PTPRJ: variants seen among roughly 807,000 people sequenced by gnomAD.
PTPRJ encodes protein tyrosine phosphatase receptor type J.
A neutral mutation model predicts 141.3 loss-of-function variants in PTPRJ; 129 were observed. The observed-to-expected ratio is 0.91, with a 90% CI of 0.79 to 1.06. The LOEUF (loss-of-function observed/expected upper bound fraction) is 1.06. Ranked by LOEUF, PTPRJ falls within the 50% of genes least tolerant of loss-of-function variation. The pLI, the probability that PTPRJ is intolerant of heterozygous loss-of-function variation, is 0.00. For synonymous variants in PTPRJ, 610 were observed against 640.5 expected, an observed-to-expected ratio of 0.95 and a Z score of 0.72; for missense variants, 1,601 against 1,679.7, an observed-to-expected ratio of 0.95 and a Z score of 0.82.
chr11:47,995,276 G>A (rs1001056644), intron 1 of PTPRJ, among the ~76,000 whole-genome samples: 17 of 152,186 alleles, frequency 1.1e-4, no homozygotes, highest in African/African-American at 3.9e-4. Context: ...TTGTGAGCAC[G>A]TTGTACATAT....
At chr11:48,119,001 C>T (rs368428692) in intron 3 of PTPRJ, among the ~76,000 whole-genome samples, 1 of 115,554 alleles carries the variant, frequency 8.7e-6, no homozygotes, top group Non-Finnish European at 1.6e-5. Context: ...GTCTGGGTGA[C>T]GAGCAAGACT....
At chr11:48,113,204 G>A (rs1856483098) in intron 3 of PTPRJ, among the ~76,000 whole-genome samples, 1 of 152,106 alleles carries the variant, frequency 6.6e-6, no homozygotes, top group Non-Finnish European at 1.5e-5. Flanking sequence ...CTTGATATAC[G>A]AGTTTTATAA....
At chr11:48,164,277 T>C in intron 23 of PTPRJ, 103 bp from the exon 24 acceptor site, 1 of 1,421,172 alleles carries the variant, frequency 7.0e-7, no homozygotes, top group East Asian at 2.4e-5. Flanking sequence ...GCCCTCAAAG[T>C]GTGACAGTGA....
intron 1 of PTPRJ, among the ~76,000 whole-genome samples, chr11:48,024,478 G>A (rs1162327212): frequency 2.0e-5 from 3 of 152,122 alleles, no homozygotes; most frequent in South Asian, 2.1e-4. Flanking sequence ...GATTACAGGC[G>A]TGAGCCACTG....
rs1029241387 is a variant in PTPRJ at position 48,064,917 on chromosome 11, G to A, written c.97-45141G>A. On this transcript the variant is annotated intron_variant, in intron 1 of 24. Transcript: ENST00000418331. ...ATTACAGGCGTGAGCCACTGCGCCCGGCTCTGAGCTGCAAATTTAATAGGG... is the reference window on the plus strand; with the variant it reads ...ATTACAGGCGTGAGCCACTGCGCCCAGCTCTGAGCTGCAAATTTAATAGGG... Among the ~76,000 whole-genome samples, 3 of 151,644 alleles carry A rather than the reference G, an allele frequency of 2.0e-5. No homozygotes were observed. In the East Asian group the frequency reaches 5.8e-4, roughly 29 times the overall value.
At chr11:48,009,343 C>G (rs1021153862) in intron 1 of PTPRJ, among the ~76,000 whole-genome samples, 1 of 152,184 alleles carries the variant, frequency 6.6e-6, no homozygotes, top group Non-Finnish European at 1.5e-5. Context: ...CGACTGTAAT[C>G]CTAGCACTTT....
intron 1 of PTPRJ, among the ~76,000 whole-genome samples, chr11:48,105,798 G>A (rs1318549913): frequency 1.3e-5 from 2 of 152,100 alleles, no homozygotes; most frequent in Non-Finnish European, 2.9e-5. Flanking sequence ...ACTAGGAGGA[G>A]GCTGACCTTT....
At chr11:48,143,835 C>G (rs1364079107) in intron 12 of PTPRJ, among the ~76,000 whole-genome samples, 1 of 137,794 alleles carries the variant, frequency 7.3e-6, no homozygotes, top group East Asian at 2.3e-4. Flanking sequence ...CCCCTCCCCT[C>G]TCCTCCTCCT....
At chr11:47,999,912 A>C (rs1854447465) in intron 1 of PTPRJ, among the ~76,000 whole-genome samples, 1 of 140,892 alleles carries the variant, frequency 7.1e-6, no homozygotes, top group South Asian at 2.1e-4. Context: ...GCTGGAGTGC[A>C]GTGGTGCGAT....
intron 1 of PTPRJ, among the ~76,000 whole-genome samples, chr11:48,022,919 TAGG>T (rs1348717524): frequency 1.3e-5 from 2 of 152,128 alleles, no homozygotes; most frequent in Middle Eastern, 3.4e-3. Flanking sequence ...CTGGTGGGGA[TAGG>T]CCTGGTGGGG....
chr11:48,148,377 ACATGTT>A (rs1857401058), intron 15 of PTPRJ, among the ~76,000 whole-genome samples: 1 of 152,208 alleles, frequency 6.6e-6, no homozygotes, highest in South Asian at 2.1e-4. Context: ...GAATCATGTT[ACATGTT>A]AGAATCAAGC....
At chr11:48,064,772 A>G (rs1430011756) in intron 1 of PTPRJ, among the ~76,000 whole-genome samples, 2 of 150,966 alleles carry the variant, frequency 1.3e-5, no homozygotes, top group Admixed American at 1.3e-4. Context: ...CCGAGAACTG[A>G]GTCTCGCCCA....
At position 48,121,051 on chromosome 11, in the gene PTPRJ, A is replaced by G. The variant is rs1413352590; in HGVS notation, c.401A>G (p.Asn134Ser). 5.6e-6 allele frequency: 9 copies of G among 1,612,746 alleles called. No individual in the cohort carries two copies. The highest frequency in any genetic ancestry group is 2.7e-5 in the African/African-American group (2 of 74,796). The change falls in exon 4 of 25, where the codon AAT becomes AGT. Residue 134 changes from asparagine to serine, a missense_variant. Coordinates refer to ENST00000418331, the MANE Select transcript of PTPRJ (RefSeq NM_002843.4). ...AAAGCTGTTTCCATCAGTCCAACCA[A>G]TGTGATCTTAACTTGGAAAAGTAAT... ...DIKAVSISPTNVILTWKSNDT... is the reference protein window; with the variant it reads ...DIKAVSISPTSVILTWKSNDT...
chr11:48,170,576 G>A lies in PTPRJ; in HGVS notation c.*3214G>A, dbSNP rs890436169. 1 of 152,108 alleles carries A rather than the reference G, an allele frequency of 6.6e-6. No individual in the cohort carries two copies. The highest frequency in any genetic ancestry group is 6.5e-5 in the Admixed American group (1 of 15,278). 9.4% of individuals were successfully genotyped at this position (152,108 alleles called of 1,614,324 possible). A position where few individuals can be genotyped will look rare whatever the true frequency, so the allele number is the denominator to read the frequency against. On this transcript the variant is annotated 3_prime_UTR_variant, in exon 25 of 25. Coordinates refer to ENST00000418331, the MANE Select transcript of PTPRJ (RefSeq NM_002843.4). Reference sequence around the variant, plus strand: ...TTGCCTCAAAAGTTTTAAGTCCTGGGTTTTCAGACTACTGTGTAGCAGCTG... The same window carrying A: ...TTGCCTCAAAAGTTTTAAGTCCTGGATTTTCAGACTACTGTGTAGCAGCTG...
chr11:48,052,564 C>G (rs1854601833), intron 1 of PTPRJ, among the ~76,000 whole-genome samples: 1 of 152,134 alleles, frequency 6.6e-6, no homozygotes, highest in South Asian at 2.1e-4. Flanking sequence ...GGGGGTGCCT[C>G]TGAAGCCAGG....
At chr11:48,085,334 ATTTT>A (rs1855672827) in intron 1 of PTPRJ, among the ~76,000 whole-genome samples, 1 of 148,208 alleles carries the variant, frequency 6.7e-6, no homozygotes, top group Admixed American at 6.7e-5. Context: ...AGATTTATTT[ATTTT>A]TATTTTTTAT....
chr11:48,069,196 A>T (rs1462574741), intron 1 of PTPRJ, among the ~76,000 whole-genome samples: 1 of 148,312 alleles, frequency 6.7e-6, no homozygotes, highest in East Asian at 2.0e-4. Flanking sequence ...GCCTCCCGGG[A>T]TAAAGCGATT....
chr11:48,040,450 C>T (rs758946588), intron 1 of PTPRJ, among the ~76,000 whole-genome samples: 1 of 152,138 alleles, frequency 6.6e-6, no homozygotes, highest in Admixed American at 6.5e-5. Flanking sequence ...ATTTATTTTC[C>T]GTACCACTGC....
chr11:48,011,664 T>C (rs1361740051), intron 1 of PTPRJ, among the ~76,000 whole-genome samples: 1 of 152,114 alleles, frequency 6.6e-6, no homozygotes, highest in African/African-American at 2.4e-5. Context: ...CCCTTTTTTC[T>C]TTTTCTTTTT....
Sources: allele counts gnomAD v4.1 joint callset (sites outside exome capture counted in the v4.1 genomes callset), GRCh38; gene constraint gnomAD v4.1.1; transcripts MANE v1.5; gene names NCBI Gene and HGNC (gene_info 2026-07-23, HGNC 2026-07-21).